IFFO2: variants seen among roughly 807,000 people sequenced by gnomAD.
The protein encoded by IFFO2 is intermediate filament family orphan 2.
A neutral mutation model predicts 53.5 loss-of-function variants in IFFO2; 19 were observed. That is an observed-to-expected ratio of 0.36 (90% CI 0.25 to 0.52). IFFO2 has a LOEUF of 0.52. Among genes scored for constraint, IFFO2 ranks in the 20% least tolerant of loss-of-function variants. The pLI is 0.94. For missense variants in IFFO2, 570 were observed against 727.4 expected, an observed-to-expected ratio of 0.78 and a Z score of 2.49; for synonymous variants, 303 against 313.6, an observed-to-expected ratio of 0.97 and a Z score of 0.36.
At chr1:18,946,409 C>CTT (rs71577809) in intron 1 of IFFO2, among the ~76,000 whole-genome samples, 1,041 of 96,444 alleles carry the variant, frequency 0.011, 15 homozygotes, top group African/African-American at 0.014. Flanking sequence ...TTGCCACTTT[C>CTT]TTTTTTTTTT....
chr1:18,933,016 A>C (rs536628051), intron 1 of IFFO2, among the ~76,000 whole-genome samples: 10 of 152,314 alleles, frequency 6.6e-5, no homozygotes, highest in Admixed American at 6.5e-4. Flanking sequence ...GCCGGCTTAC[A>C]TTTCATCTTC....
At chr1:18,911,604 T>A in intron 6 of IFFO2, 128 bp from the exon 7 acceptor site, 1 of 426,734 alleles carries the variant, frequency 2.3e-6, no homozygotes, top group Non-Finnish European at 3.8e-6. Flanking sequence ...AGAGGTATGA[T>A]CTCGGCTCAC....
At chr1:18,940,386 G>C (rs1469549153) in intron 1 of IFFO2, among the ~76,000 whole-genome samples, 2 of 152,204 alleles carry the variant, frequency 1.3e-5, no homozygotes, top group East Asian at 3.8e-4. Flanking sequence ...AAAAGGGAGA[G>C]AAAATATCTA....
At chr1:18,940,599 GGATGGATGGACA>G (rs1414526202) in intron 1 of IFFO2, among the ~76,000 whole-genome samples, 2 of 151,772 alleles carry the variant, frequency 1.3e-5, no homozygotes, top group Non-Finnish European at 2.9e-5. Flanking sequence ...ATGGATGGAT[GGATGGATGGACA>G]GACGGACGGA....
In IFFO2 at chr1:18,918,347, G is replaced by T. The variant is rs1050312649; in HGVS notation, c.963+15C>A. 3 of 1,549,206 alleles carry T rather than the reference G, an allele frequency of 1.9e-6. No individual in the cohort carries two copies. The highest frequency in any genetic ancestry group is 2.6e-6 in the Non-Finnish European group (3 of 1,144,858). On this transcript the variant is annotated intron_variant, in intron 4 of 8. Coordinates refer to ENST00000455833, the MANE Select transcript of IFFO2 (RefSeq NM_001136265.2). This position sits in a 1 kb window ranked among gnomAD's most constrained non-coding sequence, Gnocchi z 5.2. Reference sequence around the variant, plus strand: ...GAGTGGGGGGTTGGCTGGTGAGCAGGGCAGCCCTAGTCACCTGGAAGATCT... The same window carrying T: ...GAGTGGGGGGTTGGCTGGTGAGCAGTGCAGCCCTAGTCACCTGGAAGATCT...
intron 1 of IFFO2, among the ~76,000 whole-genome samples, chr1:18,925,845 TGGA>T (rs1469136696): frequency 9.8e-5 from 7 of 71,342 alleles, no homozygotes; most frequent in African/African-American, 3.9e-4. Flanking sequence ...GATGGATGGA[TGGA>T]TGGATTGGTT....
intron 1 of IFFO2, among the ~76,000 whole-genome samples, chr1:18,952,241 G>A (rs1450661080): frequency 2.0e-5 from 3 of 152,274 alleles, no homozygotes; most frequent in East Asian, 3.9e-4. Context: ...TGACAACCTC[G>A]TCCTCATTGC....
intron 1 of IFFO2, among the ~76,000 whole-genome samples, chr1:18,938,823 C>A (rs1936482651): frequency 6.6e-6 from 1 of 152,196 alleles, no homozygotes; most frequent in African/African-American, 2.4e-5. Context: ...CCCACCCCTG[C>A]AGGCCCTCAA....
chr1:18,919,793 G>A lies in IFFO2; in HGVS notation c.727-20C>T, dbSNP rs1557641135. 2 of 1,515,752 alleles carry A rather than the reference G, an allele frequency of 1.3e-6. No individual in the cohort carries two copies. Among genetic ancestry groups the A allele is most frequent in the African/African-American group, 1.4e-5 (1 of 72,278 alleles). 93.9% of individuals were successfully genotyped at this position (1,515,752 alleles called of 1,614,324 possible). A position where few individuals can be genotyped will look rare whatever the true frequency, so the allele number is the denominator to read the frequency against. ...TGCTGCCTGCGGGGACGGAGATGGG[G>A]AGGCTTCAGAGGGGCCGGGTCCTCT... is the stretch of plus-strand genomic sequence containing the variant. On this transcript the variant is annotated intron_variant, in intron 2 of 8. Coordinates refer to ENST00000455833, the MANE Select transcript of IFFO2 (RefSeq NM_001136265.2). This position sits in a 1 kb window ranked among gnomAD's most constrained non-coding sequence, Gnocchi z 4.9.
chr1:18,930,508 T>C (rs747235146), intron 1 of IFFO2, among the ~76,000 whole-genome samples: 18 of 152,170 alleles, frequency 1.2e-4, no homozygotes, highest in South Asian at 8.3e-4. Flanking sequence ...AGAACCCCCG[T>C]CAGCAAAACC....
chr1:18,929,638 C>G (rs991767942), intron 1 of IFFO2, among the ~76,000 whole-genome samples: 21 of 100,658 alleles, frequency 2.1e-4, no homozygotes, highest in Middle Eastern at 4.6e-3. Flanking sequence ...GCTAGCTGGT[C>G]TCTGGGCTCT....
At position 18,918,258 on chromosome 1, in the gene IFFO2, G is replaced by T; in HGVS notation, c.963+104C>A. On this transcript the variant is annotated intron_variant, in intron 4 of 8. Coordinates refer to ENST00000455833, the MANE Select transcript of IFFO2 (RefSeq NM_001136265.2). This position sits in a 1 kb window ranked among gnomAD's most constrained non-coding sequence, Gnocchi z 5.2. Reference sequence around the variant, plus strand: ...GCTACCTCTCGGGGAAGGGGAGGGAGTGAGTGGGATGTGGAGGCAAACGGG... The same window carrying T: ...GCTACCTCTCGGGGAAGGGGAGGGATTGAGTGGGATGTGGAGGCAAACGGG... 1 of 1,096,336 alleles carries T rather than the reference G, an allele frequency of 9.1e-7. No individual in the cohort carries two copies. Among genetic ancestry groups the T allele is most frequent in the Non-Finnish European group, 1.3e-6 (1 of 754,808 alleles). 67.9% of individuals were successfully genotyped at this position (1,096,336 alleles called of 1,614,324 possible).
chr1:18,916,165 C>T lies in IFFO2; in HGVS notation c.1103+738G>A, dbSNP rs1487482436. 6.6e-6 allele frequency among the ~76,000 whole-genome samples: 1 copy of T among 152,054 alleles called. No homozygotes were observed. Among genetic ancestry groups the T allele is most frequent in the Non-Finnish European group, 1.5e-5 (1 of 68,010 alleles). On this transcript the variant is annotated intron_variant, in intron 5 of 8. Transcript: ENST00000455833. The surrounding 1 kb of genome is among the most constrained non-coding windows in gnomAD (Gnocchi z 4.3). Reference sequence around the variant, plus strand: ...ACAAATAAGACCACATCTGCCATTGCCCCTTCTGGGTTCATGACATCCTCA... The same window carrying T: ...ACAAATAAGACCACATCTGCCATTGTCCCTTCTGGGTTCATGACATCCTCA...
rs1392929957 is a variant in IFFO2, at chr1:18,908,206, C to T, written c.*355G>A. On this transcript the variant is annotated 3_prime_UTR_variant, in exon 9 of 9. Transcript: ENST00000455833. ...TTGGCCCGGCCCTCAGCTTAGAGTT[C>T]TGTATAAAAACACCTGCTAGGAATA... The T allele has an allele frequency of 3.7e-6, 1 of 269,644 alleles. No homozygotes were observed. Among genetic ancestry groups the T allele is most frequent in the East Asian group, 8.5e-5 (1 of 11,818 alleles). 16.7% of individuals were successfully genotyped at this position (269,644 alleles called of 1,614,324 possible). A position where few individuals can be genotyped will look rare whatever the true frequency, so the allele number is the denominator to read the frequency against.
rs369476946 is a variant in IFFO2, at chr1:18,914,118, A to G, written c.1104-2035T>C. ...AGTGCTGGGATTACAGGCGTGAGCC[A>G]CCGCGCCCGGCCTGTTTGTTTTAAC... On this transcript the variant is annotated intron_variant, in intron 5 of 8. Coordinates refer to ENST00000455833, the MANE Select transcript of IFFO2 (RefSeq NM_001136265.2). Among the ~76,000 whole-genome samples the G allele has an allele frequency of 7.8e-4, 119 of 152,352 alleles. 1 individual carries two copies. The East Asian group carries it at 0.019, about 24-fold the overall frequency.
rs1935962507 is a variant in IFFO2, at chr1:18,907,212, G to T, written c.*1349C>A. On this transcript the variant is annotated 3_prime_UTR_variant, in exon 9 of 9. Transcript: ENST00000455833. ...ATAATAAAGCAAAGCCTGCTCAGCTGGCTCCAAGCTGAGATTTGGAAGGGG... is the reference window on the plus strand; with the variant it reads ...ATAATAAAGCAAAGCCTGCTCAGCTTGCTCCAAGCTGAGATTTGGAAGGGG... 1 of 152,202 alleles carries T rather than the reference G, an allele frequency of 6.6e-6. No homozygotes were observed. 9.4% of individuals were successfully genotyped at this position (152,202 alleles called of 1,614,324 possible).
At chr1:18,914,481 G>A (rs1428854395) in intron 5 of IFFO2, among the ~76,000 whole-genome samples, 2 of 152,132 alleles carry the variant, frequency 1.3e-5, no homozygotes, top group African/African-American at 4.8e-5. Context: ...AGTGCCCAGG[G>A]CAACGTTCAG....
intron 1 of IFFO2, among the ~76,000 whole-genome samples, chr1:18,954,050 G>A (rs1362080725): frequency 2.0e-5 from 3 of 152,304 alleles, no homozygotes; most frequent in East Asian, 3.9e-4. Flanking sequence ...CATGAGGGGC[G>A]GCGAGGTGGC....
At chr1:18,909,144 CA>C (rs1935995358) in intron 8 of IFFO2, among the ~76,000 whole-genome samples, 1 of 151,962 alleles carries the variant, frequency 6.6e-6, no homozygotes, top group Non-Finnish European at 1.5e-5. Context: ...TGGAGATAAC[CA>C]CACTGGGTTC....
Sources: gnomAD v4.1 joint callset for allele counts (sites outside exome capture counted in the v4.1 genomes callset) on GRCh38, gnomAD v4.1.1 for gene constraint, Gnocchi (gnomAD v3.1) non-coding constraint, MANE v1.5 for transcripts, NCBI Gene and HGNC (gene_info 2026-07-23, HGNC 2026-07-21) for gene names.